CSE1L: variants seen among roughly 807,000 people sequenced by gnomAD.
CSE1L encodes the protein chromosome segregation 1 like, also known as exportin-2.
In CSE1L, 24 loss-of-function variants were observed where a neutral mutation model predicts 120.4. The observed-to-expected ratio is 0.20, with a 90% CI of 0.14 to 0.28. CSE1L has a LOEUF of 0.28. CSE1L is among the 10% of genes least tolerant of loss of function. The pLI, the probability that CSE1L is intolerant of heterozygous loss-of-function variation, is 1.00. For synonymous variants in CSE1L, 402 were observed against 398.3 expected (o/e 1.01, Z -0.11); for missense variants, 830 against 1,145.2 (o/e 0.72, Z 3.97).
At chr20:49,085,499 A>G (rs2092048304) in intron 16 of CSE1L, 113 bp downstream of exon 16, 1 of 557,650 alleles carries the variant, frequency 1.8e-6, no homozygotes, top group Non-Finnish European at 3.1e-6. Flanking sequence ...AATGTTTACC[A>G]AGTAGTAAGT....
intron 2 of CSE1L, 151 bp downstream of exon 2, chr20:49,058,699 G>T: frequency 3.8e-6 from 2 of 529,582 alleles, no homozygotes; most frequent in Non-Finnish European, 3.3e-6. Context: ...GCTATACCAT[G>T]GTGTGTTGTT....
At chr20:49,080,065 C>T (rs1485415956) in intron 14 of CSE1L, among the ~76,000 whole-genome samples, 4 of 152,124 alleles carry the variant, frequency 2.6e-5, no homozygotes, top group African/African-American at 9.7e-5. Flanking sequence ...CAGAGCAAGA[C>T]TCAAACCCGT....
chr20:49,096,131 C>T (rs1411451116), intron 24 of CSE1L: 2 of 691,966 alleles, frequency 2.9e-6, no homozygotes, highest in East Asian at 5.5e-5. Context: ...CACAATACCA[C>T]TATCACACCT....
intron 19 of CSE1L, 105 bp from the exon 20 acceptor site, chr20:49,090,637 A>C (rs764168519): frequency 1.2e-5 from 10 of 817,256 alleles, no homozygotes; most frequent in Non-Finnish European, 2.0e-5. Flanking sequence ...AGAGAAAAGG[A>C]TAGATTATTA....
intron 1 of CSE1L, among the ~76,000 whole-genome samples, chr20:49,049,362 T>A (rs948937754): frequency 4.6e-5 from 7 of 152,014 alleles, no homozygotes; most frequent in Non-Finnish European, 8.8e-5. Flanking sequence ...TTTTATTTTT[T>A]TTTTGTAGAG....
At chr20:49,064,254 C>A (rs2091873923) in intron 3 of CSE1L, among the ~76,000 whole-genome samples, 1 of 152,202 alleles carries the variant, frequency 6.6e-6, no homozygotes, top group South Asian at 2.1e-4. Context: ...TATGATGTTA[C>A]AAAGTATTAG....
intron 16 of CSE1L, among the ~76,000 whole-genome samples, chr20:49,086,635 G>A (rs932187290): frequency 6.6e-6 from 1 of 152,126 alleles, no homozygotes; most frequent in African/African-American, 2.4e-5. Context: ...AAAGTGCTGG[G>A]ATTACAGGTG....
At position 49,066,355 on chromosome 20, in the gene CSE1L, C is replaced by A. The variant is rs1416373900; in HGVS notation, c.331-10C>A. ...AAAGCTCTGATCTAATTAATCTTTTCCTCTCCTAGTTAAGTGATGCAATTA... is the reference window on the plus strand; with the variant it reads ...AAAGCTCTGATCTAATTAATCTTTTACTCTCCTAGTTAAGTGATGCAATTA... On this transcript the variant is annotated splice_polypyrimidine_tract_variant and intron_variant, in intron 4 of 24. Transcript: ENST00000262982. 6 of 1,614,002 alleles carry A rather than the reference C, an allele frequency of 3.7e-6. No homozygotes were observed. In the Admixed American group the frequency reaches 1.0e-4, roughly 27 times the overall value.
intron 8 of CSE1L, 113 bp from the exon 9 acceptor site, chr20:49,072,173 G>T: frequency 1.8e-6 from 2 of 1,138,506 alleles, no homozygotes; most frequent in Non-Finnish European, 2.5e-6. Context: ...TACAATAACT[G>T]ATTTGATTTG....
At chr20:49,063,043 A>G (rs1226077242) in intron 2 of CSE1L, among the ~76,000 whole-genome samples, 159 bp from the exon 3 acceptor site, 2 of 151,906 alleles carry the variant, frequency 1.3e-5, no homozygotes, top group Middle Eastern at 3.4e-3. Context: ...AATGTAACAT[A>G]TATAATCCAC....
chr20:49,068,973 CAGT>C, intron 7 of CSE1L, 151 bp downstream of exon 7: 1 of 606,038 alleles, frequency 1.7e-6, no homozygotes, highest in South Asian at 2.0e-5. Flanking sequence ...TTCTGTTCTA[CAGT>C]AGTTCTTTCA....
At position 49,096,429 on chromosome 20, in the gene CSE1L, A is replaced by G. The variant is rs759928077; in HGVS notation, c.2907A>G (p.Thr969=). ...GGTACCTTCAGGCAGCCAGTGTGAC[A>G]CTGCTTTAAACTGCATTTTTCTAAT... ...LQGYLQAASV[T]LL is the part of the protein sequence containing the mutation. The change falls in exon 25 of 25, where the codon ACA becomes ACG. Residue 969 remains threonine (T), a synonymous_variant. Coordinates refer to ENST00000262982, the MANE Select transcript of CSE1L (RefSeq NM_001316.4). The G allele has an allele frequency of 5.0e-6, 8 of 1,612,744 alleles. No individual in the cohort carries two copies. Among genetic ancestry groups the G allele is most frequent in the Middle Eastern group, 1.7e-4 (1 of 6,058 alleles).
intron 14 of CSE1L, among the ~76,000 whole-genome samples, chr20:49,083,546 G>A (rs1449990908): frequency 6.6e-6 from 1 of 152,160 alleles, no homozygotes; most frequent in African/African-American, 2.4e-5. Flanking sequence ...ATTATAGACA[G>A]GAATGAACCA....
At position 49,072,958 on chromosome 20, in the gene CSE1L, A is replaced by G. The variant is rs558332655; in HGVS notation, c.1066+261A>G. Among the ~76,000 whole-genome samples, 190 of 152,328 alleles carry G rather than the reference A, an allele frequency of 1.2e-3. 2 individuals are homozygous for G. The highest frequency in any genetic ancestry group is 1.8e-3 in the Non-Finnish European group (121 of 68,032). On this transcript the variant is annotated intron_variant, in intron 10 of 24. Transcript: ENST00000262982. ...CTATCTGGAATTTCTATTTAGAGAA[A>G]GAATTTGATTTTGTTTCATTTATTA...
At chr20:49,085,562 A>ATTTTTTTTT (rs11471947) in intron 16 of CSE1L, among the ~76,000 whole-genome samples, 176 bp downstream of exon 16, 2,381 of 80,076 alleles carry the variant, frequency 0.03, 534 homozygotes, top group African/African-American at 0.042. Context: ...ACTAACAATA[A>ATTTTTTTTT]TTTTTTTTTT....
chr20:49,092,014 CTA>C (rs778491321), intron 21 of CSE1L, 30 bp from the exon 22 acceptor site: 4 of 1,214,936 alleles, frequency 3.3e-6, no homozygotes, highest in Non-Finnish European at 4.8e-6. Flanking sequence ...CGTGAGTTCT[CTA>C]TGCTGATATT....
At position 49,074,773 on chromosome 20, in the gene CSE1L, C is replaced by T. The variant is rs2091958303; in HGVS notation, c.1067-12C>T. On this transcript the variant is annotated splice_polypyrimidine_tract_variant and intron_variant, in intron 10 of 24. Coordinates refer to ENST00000262982, the MANE Select transcript of CSE1L (RefSeq NM_001316.4). ...TTTGGAGTGTTATCTGAAATATCAT[C>T]TCTCCTTGTAGCTGCTGATGAAGAA... 1.2e-6 allele frequency: 2 copies of T among 1,607,860 alleles called. No homozygotes were observed. The highest frequency in any genetic ancestry group is 1.1e-5 in the South Asian group (1 of 90,014).
intron 1 of CSE1L, among the ~76,000 whole-genome samples, chr20:49,057,145 G>A (rs536199511): frequency 2.6e-5 from 4 of 152,134 alleles, no homozygotes; most frequent in Admixed American, 6.6e-5. Context: ...GGGCAACATT[G>A]TGAGACCCTG....
At chr20:49,088,902 G>A (rs1456469626) in intron 17 of CSE1L, among the ~76,000 whole-genome samples, 1 of 152,078 alleles carries the variant, frequency 6.6e-6, no homozygotes, top group East Asian at 1.9e-4. Context: ...CTCATTTGGG[G>A]GATTATCAGT....
Sources: allele counts gnomAD v4.1 joint callset (sites outside exome capture counted in the v4.1 genomes callset), GRCh38; gene constraint gnomAD v4.1.1; transcripts MANE v1.5; gene names NCBI Gene and HGNC (gene_info 2026-07-23, HGNC 2026-07-21).